RIMS2: variants seen among roughly 807,000 people sequenced by gnomAD.
The protein encoded by RIMS2 is regulating synaptic membrane exocytosis protein 2.
RIMS2 carries 59 observed loss-of-function variants against 174.4 expected under a neutral mutation model. That is an observed-to-expected ratio of 0.34 (90% CI 0.27 to 0.42). The LOEUF is 0.42. RIMS2 is among the 10% of genes least tolerant of loss of function. RIMS2 has a pLI of 1.00. For missense variants in RIMS2, 1,620 were observed against 1,666.3 expected, an observed-to-expected ratio of 0.97 and a Z score of 0.48; for synonymous variants, 606 against 572.5, an observed-to-expected ratio of 1.06 and a Z score of -0.84.
intron 1 of RIMS2, among the ~76,000 whole-genome samples, chr8:103,689,897 T>A (rs2096992747): frequency 1.7e-5 from 2 of 118,540 alleles, no homozygotes; most frequent in African/African-American, 7.0e-5. Flanking sequence ...GGCAACAGAA[T>A]ATTGGATTTT....
chr8:103,968,643 C>T (rs112895776), intron 15 of RIMS2, among the ~76,000 whole-genome samples: 1 of 152,138 alleles, frequency 6.6e-6, no homozygotes, highest in African/African-American at 2.4e-5. Context: ...CTTCCTCCCA[C>T]TTCTTGTATC....
chr8:103,606,752 A>T (rs867841387), intron 1 of RIMS2, among the ~76,000 whole-genome samples: 2 of 151,764 alleles, frequency 1.3e-5, no homozygotes, highest in Non-Finnish European at 2.9e-5. Context: ...TTACCATTAT[A>T]TAATGGCCTT....
chr8:104,204,272 T>A (rs967618456), intron 19 of RIMS2, among the ~76,000 whole-genome samples: 1 of 152,190 alleles, frequency 6.6e-6, no homozygotes, highest in African/African-American at 2.4e-5. Flanking sequence ...TGTAAGTGCA[T>A]GTTACGTGTT....
At chr8:104,225,730 C>A (rs1036213560) in intron 19 of RIMS2, among the ~76,000 whole-genome samples, 7 of 152,090 alleles carry the variant, frequency 4.6e-5, no homozygotes, top group Non-Finnish European at 8.8e-5. Context: ...GATTTCTATC[C>A]CATAATATGG....
chr8:104,082,842 A>G (rs985282797), intron 19 of RIMS2, among the ~76,000 whole-genome samples: 7 of 152,086 alleles, frequency 4.6e-5, no homozygotes, highest in African/African-American at 1.7e-4. Context: ...CCCATATGGA[A>G]TGATGGGTTT....
intron 1 of RIMS2, among the ~76,000 whole-genome samples, chr8:103,577,277 A>G (rs1444302326): frequency 1.3e-5 from 2 of 152,222 alleles, no homozygotes; most frequent in Non-Finnish European, 2.9e-5. Context: ...ATGAACAGAC[A>G]CTTCTCAAAA....
chr8:104,175,062 G>A (rs1404279232), intron 19 of RIMS2, among the ~76,000 whole-genome samples: 1 of 152,094 alleles, frequency 6.6e-6, no homozygotes, highest in Non-Finnish European at 1.5e-5. Flanking sequence ...GAGTTTTCCT[G>A]TATCTCCAAA....
At chr8:103,780,561 A>G (rs2098377526) in intron 3 of RIMS2, among the ~76,000 whole-genome samples, 1 of 151,924 alleles carries the variant, frequency 6.6e-6, no homozygotes, top group Middle Eastern at 3.4e-3. Flanking sequence ...CAGCCAATGT[A>G]TTTCTCAGTT....
chr8:103,957,638 A>G (rs2087900634), intron 14 of RIMS2, among the ~76,000 whole-genome samples: 1 of 152,180 alleles, frequency 6.6e-6, no homozygotes, highest in South Asian at 2.1e-4. Flanking sequence ...GGATAGCATT[A>G]GGAGAAATAC....
intron 19 of RIMS2, among the ~76,000 whole-genome samples, chr8:104,062,483 T>C (rs2097018843): frequency 6.6e-6 from 1 of 152,234 alleles, no homozygotes. Flanking sequence ...TAAAATACAG[T>C]TATGAGAAAA....
intron 16 of RIMS2, among the ~76,000 whole-genome samples, chr8:103,982,897 C>G (rs890651182): frequency 2.0e-5 from 3 of 152,170 alleles, no homozygotes; most frequent in African/African-American, 7.2e-5. Context: ...GAAGTCCTAA[C>G]TAGTGCAATC....
chr8:103,826,993 T>A (rs2098795252), intron 3 of RIMS2, among the ~76,000 whole-genome samples: 1 of 152,150 alleles, frequency 6.6e-6, no homozygotes, highest in Admixed American at 6.5e-5. Context: ...TTTTTTATAA[T>A]CACTTTGTTA....
At chr8:103,626,183 A>C (rs928895827) in intron 1 of RIMS2, among the ~76,000 whole-genome samples, 3 of 152,162 alleles carry the variant, frequency 2.0e-5, no homozygotes, top group African/African-American at 7.2e-5. Context: ...AGAATGTTTC[A>C]TTCAGATATT....
At chr8:103,992,274 A>AATTTTTTT (rs1565726059) in intron 17 of RIMS2, among the ~76,000 whole-genome samples, 1 of 107,102 alleles carries the variant, frequency 9.3e-6, no homozygotes. Flanking sequence ...ATGTCCAGCT[A>AATTTTTTT]TTTTTTTTTT....
At chr8:104,070,566 A>T (rs2154561565) in intron 19 of RIMS2, among the ~76,000 whole-genome samples, 1 of 152,286 alleles carries the variant, frequency 6.6e-6, no homozygotes, top group South Asian at 2.1e-4. Context: ...TTCTGCCTAC[A>T]ACTAAATAGA....
intron 1 of RIMS2, among the ~76,000 whole-genome samples, chr8:103,684,890 A>T (rs1379848437): frequency 6.6e-6 from 1 of 152,022 alleles, no homozygotes; most frequent in Non-Finnish European, 1.5e-5. Context: ...CCTGGCACAT[A>T]CTTTTTATAT....
intron 19 of RIMS2, 35 bp downstream of exon 25, chr8:104,148,883 T>A (rs1422109077): frequency 6.3e-7 from 1 of 1,581,284 alleles, no homozygotes; most frequent in Admixed American, 1.7e-5. Flanking sequence ...ACTTGATATT[T>A]GAGTTGTCAT....
intron 19 of RIMS2, among the ~76,000 whole-genome samples, chr8:104,147,317 C>T (rs925121978): frequency 6.6e-6 from 1 of 151,904 alleles, no homozygotes; most frequent in African/African-American, 2.4e-5. Context: ...TTTCTTAAAA[C>T]AAATGTGAGG....
Position 103,789,042 on chromosome 8 carries a change from C to G in RIMS2, c.698+22505C>G, listed in dbSNP as rs1013371985. Among the ~76,000 whole-genome samples, 4 of 152,262 alleles carry G rather than the reference C, an allele frequency of 2.6e-5. No individual in the cohort carries two copies. In the East Asian group the frequency reaches 5.8e-4, roughly 22 times the overall value. On this transcript the variant is annotated intron_variant, in intron 3 of 23. Transcript: ENST00000504942. ...GGGAGTGACCCGATTTTCCAGGTGC[C>G]GTCCGTCACCCCTTTCTTTGACTCG...
Sources: allele counts gnomAD v4.1 joint callset (sites outside exome capture counted in the v4.1 genomes callset), GRCh38; gene constraint gnomAD v4.1.1; transcripts MANE v1.5; gene names NCBI Gene and HGNC (gene_info 2026-07-23, HGNC 2026-07-21).